The following CATSPERG variants were observed in gnomAD, a reference collection of about 807,000 sequenced individuals.
CATSPERG encodes cation channel sperm-associated auxiliary subunit gamma.
In CATSPERG, 115 loss-of-function variants were observed where a neutral mutation model predicts 145.0. The observed-to-expected ratio is 0.79, with a 90% confidence interval of 0.68 to 0.93. CATSPERG has a LOEUF of 0.93. Among genes scored for constraint, CATSPERG ranks in the 40% least tolerant of loss-of-function variants. CATSPERG has a pLI of 0.00. For synonymous variants in CATSPERG, 588 were observed against 589.0 expected, an observed-to-expected ratio of 1.00 and a Z score of 0.02; for missense variants, 1,296 against 1,490.1, an observed-to-expected ratio of 0.87 and a Z score of 2.14.
intron 20 of CATSPERG, among the ~76,000 whole-genome samples, chr19:38,364,330 C>T (rs1349092384): frequency 6.6e-6 from 1 of 151,724 alleles, no homozygotes; most frequent in Non-Finnish European, 1.5e-5. Flanking sequence ...GATGGGGTCG[C>T]GACCGGACAG....
chr19:38,370,588 C>T lies in CATSPERG; in HGVS notation c.3276C>T (p.Pro1092=). The change falls in exon 29 of 29, where the codon CCC becomes CCT. Residue 1092 remains proline, a synonymous_variant. Coordinates refer to ENST00000409235, the MANE Select transcript of CATSPERG (RefSeq NM_021185.5). ...ACATCGCCTTCTGCCTCCTGTGGCCCCTCGTGGTGAAGGGCTGCACGATGA... is the reference window on the plus strand; with the variant it reads ...ACATCGCCTTCTGCCTCCTGTGGCCTCTCGTGGTGAAGGGCTGCACGATGA... ...IFYIAFCLLW[P]LVVKGCTMIR... is the part of the protein sequence containing the mutation. The T allele has an allele frequency of 1.2e-6, 2 of 1,614,170 alleles. No individual in the cohort carries two copies. Among genetic ancestry groups the T allele is most frequent in the Middle Eastern group, 3.3e-4 (2 of 6,062 alleles).
At chr19:38,362,142 G>A in intron 17 of CATSPERG, 68 bp from the exon 18 acceptor site, 1 of 1,514,534 alleles carries the variant, frequency 6.6e-7, no homozygotes, top group Non-Finnish European at 9.0e-7. Context: ...GTGGTCTGGG[G>A]ATGCCGCTTG....
chr19:38,361,614 G>C (rs770269508), intron 16 of CATSPERG, 34 bp from the exon 17 acceptor site: 9 of 1,569,030 alleles, frequency 5.7e-6, no homozygotes, highest in Admixed American at 1.8e-5. Context: ...GGGTGCCTTA[G>C]AGCCAGCAGC....
intron 19 of CATSPERG, 67 bp from the exon 20 acceptor site, chr19:38,362,647 G>A (rs983459220): frequency 1.9e-6 from 3 of 1,605,736 alleles, no homozygotes; most frequent in Non-Finnish European, 2.6e-6. Flanking sequence ...TGGGGGGCGG[G>A]GACACCATCG....
chr19:38,362,893 T>C, intron 20 of CATSPERG, 61 bp downstream of exon 20: 4 of 1,138,176 alleles, frequency 3.5e-6, no homozygotes, highest in Non-Finnish European at 5.1e-6. Flanking sequence ...TTTTTTTTTT[T>C]TTGGAGACAG....
Position 38,339,639 on chromosome 19 carries a change from A to T in CATSPERG, c.324+1993A>T, listed in dbSNP as rs187705181. Among the ~76,000 whole-genome samples, 603 of 151,074 alleles carry T rather than the reference A, an allele frequency of 4.0e-3. 6 individuals carry two copies. The highest frequency in any genetic ancestry group is 3.3e-3 in the Non-Finnish European group (225 of 67,780). On this transcript the variant is annotated intron_variant, in intron 3 of 28. Transcript: ENST00000409235. ...AATTTTGGTGAAGCCCAGTTTATAA[A>T]TTTTTTTCTTTTTTTTGCTTGTGTT... is the stretch of plus-strand genomic sequence containing the variant.
chr19:38,357,129 C>T (rs556826264), intron 11 of CATSPERG, among the ~76,000 whole-genome samples: 35 of 152,248 alleles, frequency 2.3e-4, no homozygotes, highest in Admixed American at 2.3e-3. Context: ...GTGCACAAAA[C>T]CCCCAACCGA....
intron 8 of CATSPERG, 58 bp downstream of exon 8, chr19:38,352,490 C>CCTTCAG: frequency 6.7e-7 from 1 of 1,497,444 alleles, no homozygotes; most frequent in Non-Finnish European, 9.1e-7. Context: ...AACCCCTCCA[C>CCTTCAG]TGAAGGTGGC....
At chr19:38,339,651 T>G (rs528219180) in intron 3 of CATSPERG, among the ~76,000 whole-genome samples, 2 of 152,100 alleles carry the variant, frequency 1.3e-5, no homozygotes, top group South Asian at 4.2e-4. Flanking sequence ...TTTTTTCTTT[T>G]TTTTGCTTGT....
Position 38,370,829 on chromosome 19 carries a change from C to G in CATSPERG, c.*37C>G. On this transcript the variant is annotated 3_prime_UTR_variant, in exon 29 of 29. Transcript: ENST00000409235. ...GCCCCAGCCCCCAGTTACTGTCACG[C>G]CTCTCTTATGAGGCCCATCTTGAAG... 6.2e-7 allele frequency: 1 copy of G among 1,603,618 alleles called. No homozygotes were observed. The highest frequency in any genetic ancestry group is 8.5e-7 in the Non-Finnish European group (1 of 1,172,824).
chr19:38,370,122 TCTC>T (rs1970520539), intron 27 of CATSPERG, 34 bp from the exon 28 acceptor site: 1 of 1,613,244 alleles, frequency 6.2e-7, no homozygotes, highest in Non-Finnish European at 8.5e-7. Context: ...ATGCCTGGCT[TCTC>T]CTCTAATCCT....
chr19:38,338,723 T>C (rs1213067890), intron 3 of CATSPERG, among the ~76,000 whole-genome samples: 1 of 152,032 alleles, frequency 6.6e-6, no homozygotes, highest in Non-Finnish European at 1.5e-5. Context: ...AAGACTAGCC[T>C]AGGTGAATTT....
chr19:38,337,079 A>C lies in CATSPERG; in HGVS notation c.-14-142A>C, dbSNP rs141634244. Reference sequence around the variant, plus strand: ...CAAGAGCAGGGGCGGGACCAAGAGCAAGTGCAGGGGCGGGGCCAGGAGCAA... The same window carrying C: ...CAAGAGCAGGGGCGGGACCAAGAGCCAGTGCAGGGGCGGGGCCAGGAGCAA... On this transcript the variant is annotated intron_variant, in intron 1 of 28. Coordinates refer to ENST00000409235, the MANE Select transcript of CATSPERG (RefSeq NM_021185.5). The C allele has an allele frequency of 3.2e-5, 32 of 995,164 alleles. No individual in the cohort carries two copies. In the African/African-American group the frequency reaches 4.4e-4, roughly 14 times the overall value. 61.6% of individuals were successfully genotyped at this position (995,164 alleles called of 1,614,324 possible). A position where few individuals can be genotyped will look rare whatever the true frequency, so the allele number is the denominator to read the frequency against.
rs546376569 is a variant in CATSPERG at position 38,367,180 on chromosome 19, A to G, written c.2638A>G (p.Ile880Val). Residue 880 changes from isoleucine to valine, a missense_variant, in exon 23 of 29, where the codon ATT (isoleucine) becomes GTT (valine). Coordinates refer to ENST00000409235, the MANE Select transcript of CATSPERG (RefSeq NM_021185.5). ...MQGNLMVPVF[I>V]GCPPGKRLAF... ...GGGCAACCTGATGGTGCCAGTGTTCATTGGCTGCCCCCCAGGCAAGCGCCT... is the reference window on the plus strand; with the variant it reads ...GGGCAACCTGATGGTGCCAGTGTTCGTTGGCTGCCCCCCAGGCAAGCGCCT... 6.2e-7 allele frequency: 1 copy of G among 1,613,586 alleles called. No individual in the cohort carries two copies. The highest frequency in any genetic ancestry group is 1.7e-5 in the Admixed American group (1 of 59,916).
At chr19:38,360,104 G>A in intron 14 of CATSPERG, 3 of 985,274 alleles carry the variant, frequency 3.0e-6, no homozygotes, top group Non-Finnish European at 2.4e-6. Flanking sequence ...GTGCAGAGAT[G>A]GGAAACTGAG....
chr19:38,366,530 T>A (rs1970452065), intron 22 of CATSPERG: 2 of 152,486 alleles, frequency 1.3e-5, no homozygotes, highest in African/African-American at 4.8e-5. Flanking sequence ...GGGAGGGCTC[T>A]AAGCAGAGGA....
At position 38,361,749 on chromosome 19, in the gene CATSPERG, G is replaced by A; in HGVS notation, c.1982G>A (p.Arg661Gln). 1 of 1,611,380 alleles carries A rather than the reference G, an allele frequency of 6.2e-7. No homozygotes were observed. Among genetic ancestry groups the A allele is most frequent in the Non-Finnish European group, 8.5e-7 (1 of 1,179,134 alleles). The change falls in exon 17 of 29, where the codon CGG becomes CAG. Residue 661 changes from arginine to glutamine, a missense_variant. Transcript: ENST00000409235. ...AGATACACGCGCCAGGAGCGCTACC[G>A]GGCGCGGCCGCCGCGCGTCCTGGAG... is the stretch of plus-strand genomic sequence containing the variant. ...PQRYTRQERY[R>Q]ARPPRVLERS...
At position 38,368,216 on chromosome 19, in the gene CATSPERG, A is replaced by G. The variant is rs878894959; in HGVS notation, c.3020+79A>G. 2.1e-4 allele frequency: 256 copies of G among 1,243,908 alleles called. 1 individual carries two copies. In the South Asian group the frequency reaches 2.3e-3, roughly 11 times the overall value. The allele number at this position is 1,243,908 out of a possible 1,614,324, so 77.1% of individuals were successfully genotyped here. A position where few individuals can be genotyped will look rare whatever the true frequency, so the allele number is the denominator to read the frequency against. ...CCCACCTATCCTTTCTGCCCCTAGGAGGCCTCTTGATCCCCAAGTCACACT... is the reference window on the plus strand; with the variant it reads ...CCCACCTATCCTTTCTGCCCCTAGGGGGCCTCTTGATCCCCAAGTCACACT... On this transcript the variant is annotated intron_variant, in intron 26 of 28. Transcript: ENST00000409235.
chr19:38,337,061 A>C (rs1851666429), intron 1 of CATSPERG, 160 bp from the exon 2 acceptor site: 2 of 818,440 alleles, frequency 2.4e-6, no homozygotes, highest in South Asian at 1.8e-5. Flanking sequence ...GAGCAAGAGC[A>C]GGGGCGGGAC....
Sources: gnomAD v4.1 joint callset for allele counts (sites outside exome capture counted in the v4.1 genomes callset) on GRCh38, gnomAD v4.1.1 for gene constraint, MANE v1.5 for transcripts, NCBI Gene and HGNC (gene_info 2026-07-23, HGNC 2026-07-21) for gene names.